PRH1: variants seen among roughly 807,000 people sequenced by gnomAD.
PRH1 encodes salivary acidic proline-rich phosphoprotein 1/2.
In PRH1, 7 loss-of-function variants were observed where a neutral mutation model predicts 7.9. The ratio of observed to expected loss-of-function variants is 0.89; its 90% CI spans 0.50 to 1.67. The LOEUF is 1.67. PRH1 is among the 40% of genes most tolerant of loss of function. The pLI is 0.00. For synonymous variants in PRH1, 45 were observed against 80.8 expected (o/e 0.56, Z 2.38); for missense variants, 109 against 223.6 (o/e 0.49, Z 3.27).
At chr12:10,997,646 T>G (rs755606847) in intron 1 of PRH1, 1 of 1,613,594 alleles carries the variant, frequency 6.2e-7, no homozygotes, top group Non-Finnish European at 8.5e-7. Context: ...TACTTTTAAA[T>G]TAGATGAAGT....
chr12:10,959,327 T>C (rs930480419), intron 2 of PRH1, among the ~76,000 whole-genome samples: 1 of 57,562 alleles, frequency 1.7e-5, no homozygotes, highest in Non-Finnish European at 3.5e-5. Context: ...TGTCAAATAG[T>C]CTATTAGAGA....
At chr12:10,890,822 G>A (rs1450543922) in intron 2 of PRH1, among the ~76,000 whole-genome samples, 1 of 151,480 alleles carries the variant, frequency 6.6e-6, no homozygotes, top group African/African-American at 2.4e-5. Context: ...GGGATGGGAG[G>A]GGAGGGGAGG....
At chr12:11,042,620 A>ATTTTTTTTTTTTTTTTTTTT (rs1337131350) in intron 1 of PRH1, among the ~76,000 whole-genome samples, 5 of 92,924 alleles carry the variant, frequency 5.4e-5, no homozygotes, top group Admixed American at 1.5e-4. Context: ...TTCCAGGCTC[A>ATTTTTTTTTTTTTTTTTTTT]TTCTTTTTTT....
In PRH1 at chr12:11,058,099, G is replaced by A. The variant is rs931114615; in HGVS notation, n.124-10911C>T. Among the ~76,000 whole-genome samples, 8 of 152,288 alleles carry A rather than the reference G, an allele frequency of 5.3e-5. No homozygotes were observed. In the East Asian group the frequency reaches 1.5e-3, roughly 29 times the overall value. ...AAAAATACCAAAATTAGCCAGGCAAGGTGGTGTGTCCCTGCAGTCCCAGCT... is the reference window on the plus strand; with the variant it reads ...AAAAATACCAAAATTAGCCAGGCAAAGTGGTGTGTCCCTGCAGTCCCAGCT... On this transcript the variant is annotated intron_variant and non_coding_transcript_variant, in intron 1 of 4. Transcript: ENST00000541977.
At chr12:11,167,845 C>G (rs926317339) in intron 1 of PRH1, among the ~76,000 whole-genome samples, 1 of 152,124 alleles carries the variant, frequency 6.6e-6, no homozygotes, top group African/African-American at 2.4e-5. Context: ...CTACTGCTAA[C>G]TAAAAGGAAG....
intron 1 of PRH1, chr12:11,062,074 G>A (rs775795526): frequency 1.7e-5 from 28 of 1,613,644 alleles, no homozygotes; most frequent in Non-Finnish European, 2.4e-5. Context: ...ACTGTTAAAA[G>A]CTGGATTCAA....
chr12:11,076,877 A>ATT (rs1944312296), intron 1 of PRH1: 1 of 115,352 alleles, frequency 8.7e-6, no homozygotes, highest in Non-Finnish European at 2.1e-5. Context: ...TACCCCAAAG[A>ATT]TACATTCTCA....
At chr12:10,948,646 A>C (rs1279681015) in intron 2 of PRH1, among the ~76,000 whole-genome samples, 1 of 152,222 alleles carries the variant, frequency 6.6e-6, no homozygotes, top group African/African-American at 2.4e-5. Context: ...AACCTTGTTA[A>C]GAACTCTTGT....
At chr12:11,044,856 G>T (rs1942848097) in intron 1 of PRH1, among the ~76,000 whole-genome samples, 1 of 152,120 alleles carries the variant, frequency 6.6e-6, no homozygotes, top group African/African-American at 2.4e-5. Flanking sequence ...CACCTCAGGT[G>T]GGAATATAAA....
At position 10,908,462 on chromosome 12, in the gene PRH1, A is replaced by G. The variant is rs1949838661; in HGVS notation, c.-58-24187T>C. ...ACTTAGCGTTTCCTAGAATCAGAAGAAAGGAGTGGCTTGAAGGAGAGAAGA... is the reference window on the plus strand; with the variant it reads ...ACTTAGCGTTTCCTAGAATCAGAAGGAAGGAGTGGCTTGAAGGAGAGAAGA... On this transcript the variant is annotated intron_variant, in intron 2 of 3. Transcript: ENST00000539853. 3 of 1,613,834 alleles carry G rather than the reference A, an allele frequency of 1.9e-6. No individual in the cohort carries two copies. In the African/African-American group the frequency reaches 4.0e-5, roughly 22 times the overall value.
At chr12:11,087,432 C>T (rs1944744561) in intron 1 of PRH1, among the ~76,000 whole-genome samples, 1 of 116,684 alleles carries the variant, frequency 8.6e-6, no homozygotes, top group African/African-American at 2.9e-5. Flanking sequence ...CTACCTAGAG[C>T]TTTGGCTCAT....
At chr12:10,888,994 T>A (rs1441687061), upstream of PRH1, among the ~76,000 whole-genome samples, 1 of 152,220 alleles carries the variant, frequency 6.6e-6, no homozygotes, top group Non-Finnish European at 1.5e-5. Flanking sequence ...ACATTTCCTG[T>A]CTCTCTTCCA....
intron 1 of PRH1, chr12:10,996,620 A>C (rs1403825934): frequency 1.6e-5 from 3 of 183,196 alleles, no homozygotes; most frequent in Non-Finnish European, 3.3e-5. Flanking sequence ...ATATAAAAAA[A>C]TGTGTGAAAT....
chr12:10,939,003 A>T (rs533081426), intron 2 of PRH1: 2 of 1,613,748 alleles, frequency 1.2e-6, no homozygotes, highest in Non-Finnish European at 1.7e-6. Flanking sequence ...AAAAACACAG[A>T]CACACACCAG....
intron 1 of PRH1, among the ~76,000 whole-genome samples, chr12:11,163,736 C>T (rs1364113689): frequency 6.6e-6 from 1 of 152,182 alleles, no homozygotes; most frequent in Non-Finnish European, 1.5e-5. Context: ...AGAATCATTA[C>T]AAAGTCTGCA....
intron 1 of PRH1, among the ~76,000 whole-genome samples, chr12:11,160,199 C>T (rs1405313299): frequency 6.6e-6 from 1 of 152,158 alleles, no homozygotes; most frequent in Non-Finnish European, 1.5e-5. Context: ...GTCTCTCATT[C>T]AGTAACATCC....
At chr12:10,888,659 C>T (rs1949528354), upstream of PRH1, among the ~76,000 whole-genome samples, 1 of 152,094 alleles carries the variant, frequency 6.6e-6, no homozygotes, top group African/African-American at 2.4e-5. Context: ...TTTTCCTGAT[C>T]TCCTATGGGG....
chr12:10,889,115 T>C (rs1173278352), upstream of PRH1, among the ~76,000 whole-genome samples: 1 of 152,266 alleles, frequency 6.6e-6, no homozygotes, highest in African/African-American at 2.4e-5. Flanking sequence ...TACTTCATTC[T>C]TGATGTTCCA....
At chr12:11,022,295 G>C (rs202167741) in intron 1 of PRH1, 1 of 1,614,148 alleles carries the variant, frequency 6.2e-7, no homozygotes, top group South Asian at 1.1e-5. Context: ...ATGCTGAAAT[G>C]GTTCGTTACA....
Sources: gnomAD v4.1 joint callset for allele counts (sites outside exome capture counted in the v4.1 genomes callset) on GRCh38, gnomAD v4.1.1 for gene constraint, MANE v1.5 for transcripts, NCBI Gene and HGNC (gene_info 2026-07-23, HGNC 2026-07-21) for gene names.